Variants in ATP5F1C observed in about 807,000 individuals in gnomAD.
ATP5F1C encodes ATP synthase F(1) complex subunit gamma, mitochondrial.
ATP5F1C carries 22 observed loss-of-function variants against 37.4 expected under a neutral mutation model. The observed-to-expected ratio is 0.59, with a 90% confidence interval of 0.42 to 0.84. ATP5F1C has a LOEUF of 0.84. Ranked by LOEUF, ATP5F1C falls within the 40% of genes least tolerant of loss-of-function variation. The pLI is 0.00. For missense variants in ATP5F1C, 286 were observed against 362.4 expected (o/e 0.79, Z 1.71); for synonymous variants, 121 against 128.0 (o/e 0.95, Z 0.37).
intron 4 of ATP5F1C, chr10:7,799,532 TAGA>T: frequency 1.7e-6 from 1 of 575,572 alleles, no homozygotes; most frequent in Non-Finnish European, 3.0e-6. Flanking sequence ...TCATTAGGAT[TAGA>T]AGGAGAGGAA....
chr10:7,788,382 C>T, intron 1 of ATP5F1C, 119 bp downstream of exon 1: 3 of 1,401,928 alleles, frequency 2.1e-6, no homozygotes, highest in Non-Finnish European at 2.0e-6. Context: ...TAGCTGGGCC[C>T]CTGGCCCGTC....
intron 6 of ATP5F1C, 43 bp downstream of exon 6, chr10:7,800,134 T>C: frequency 6.4e-7 from 1 of 1,559,516 alleles, no homozygotes; most frequent in Non-Finnish European, 8.8e-7. Flanking sequence ...GCATATAGAA[T>C]GGAGAGATTT....
At chr10:7,794,372 T>TA (rs1165955518) in intron 1 of ATP5F1C, among the ~76,000 whole-genome samples, 1 of 152,246 alleles carries the variant, frequency 6.6e-6, no homozygotes, top group Non-Finnish European at 1.5e-5. Context: ...TTTCTTGTCT[T>TA]ACTGCATTAG....
At position 7,807,705 on chromosome 10, in the gene ATP5F1C, C is replaced by G. The variant is rs776565215; in HGVS notation, c.*77C>G. The G allele has an allele frequency of 8.8e-6, 14 of 1,596,390 alleles. No individual in the cohort carries two copies. The Middle Eastern group carries it at 5.0e-4, about 57-fold the overall frequency. On this transcript the variant is annotated 3_prime_UTR_variant, in exon 10 of 10. Coordinates refer to ENST00000356708, the MANE Select transcript of ATP5F1C (RefSeq NM_001001973.3). ...AGTTGATTTTGTTTTTAGCTTACTG[C>G]TGCCTTTGTCCGAAGAAACTGTTCC... is the stretch of plus-strand genomic sequence containing the variant.
At chr10:7,788,479 C>G (rs550397273) in intron 1 of ATP5F1C, among the ~76,000 whole-genome samples, 36 of 152,318 alleles carry the variant, frequency 2.4e-4, no homozygotes, top group African/African-American at 8.2e-4. Context: ...GAGCAAGGTC[C>G]CGCCCGGTTC....
In ATP5F1C at chr10:7,788,403, G is replaced by T. The variant is rs1274847103; in HGVS notation, c.56+140G>T. On this transcript the variant is annotated intron_variant, in intron 1 of 9. Transcript: ENST00000356708. ...GGCCCCTGGCCCGTCGGAGGCGCCG[G>T]GTAGCGGGGGCTGCAGGAAGCGGCT... 8 of 1,248,198 alleles carry T rather than the reference G, an allele frequency of 6.4e-6. No homozygotes were observed. The Middle Eastern group carries it at 1.3e-3, about 201-fold the overall frequency. 77.3% of individuals were successfully genotyped at this position (1,248,198 alleles called of 1,614,324 possible).
rs146345013 is a variant in ATP5F1C, at chr10:7,797,125, C to T, written c.170C>T (p.Ala57Val). Residue 57 changes from alanine (A) to valine (V), a missense_variant, in exon 3 of 10, where the codon GCC (alanine) becomes GTC (valine). Physicochemically the swap from Ala to Val is moderately conservative, Grantham distance 64. Transcript: ENST00000356708. ...SMKMVAAAKY[A>V]RAERELKPAR... ...AAAATGGTAGCGGCAGCAAAATATG[C>T]CCGAGCTGAGAGAGAGCTGAAACCA... 3.1e-6 allele frequency: 5 copies of T among 1,614,006 alleles called. No homozygotes were observed. Among genetic ancestry groups the T allele is most frequent in the African/African-American group, 1.3e-5 (1 of 74,996 alleles).
chr10:7,799,521 T>C, intron 4 of ATP5F1C: 1 of 567,730 alleles, frequency 1.8e-6, no homozygotes, highest in Non-Finnish European at 3.1e-6. Context: ...TTAGCAATAG[T>C]TCATTAGGAT....
chr10:7,793,430 C>G (rs1340837960), intron 1 of ATP5F1C, among the ~76,000 whole-genome samples: 6 of 152,212 alleles, frequency 3.9e-5, no homozygotes, highest in Non-Finnish European at 7.3e-5. Flanking sequence ...TGTTGATCTT[C>G]TTTGGTGAAG....
At chr10:7,796,370 T>A (rs1337236542) in intron 2 of ATP5F1C, 3 of 404,926 alleles carry the variant, frequency 7.4e-6, no homozygotes, top group Non-Finnish European at 1.4e-5. Context: ...TGTAGAATGA[T>A]CATGATATAA....
chr10:7,790,289 A>G (rs1836142503), intron 1 of ATP5F1C, among the ~76,000 whole-genome samples: 1 of 152,234 alleles, frequency 6.6e-6, no homozygotes, highest in Non-Finnish European at 1.5e-5. Context: ...CAGAGAGGCT[A>G]CCATGCTAAC....
intron 4 of ATP5F1C, 139 bp from the exon 5 acceptor site, chr10:7,799,633 G>C (rs1319576377): frequency 1.1e-6 from 1 of 915,232 alleles, no homozygotes; most frequent in African/African-American, 1.7e-5. Flanking sequence ...ATAGTGTGTG[G>C]AACAACTCAG....
chr10:7,799,237 A>G (rs750609899), intron 4 of ATP5F1C, 43 bp downstream of exon 4: 22 of 1,557,278 alleles, frequency 1.4e-5, no homozygotes, highest in Non-Finnish European at 1.8e-5. Flanking sequence ...AGATGTAAGC[A>G]CGAATAAATC....
chr10:7,794,197 T>C (rs966768942), intron 1 of ATP5F1C, among the ~76,000 whole-genome samples: 1 of 152,256 alleles, frequency 6.6e-6, no homozygotes, highest in Non-Finnish European at 1.5e-5. Flanking sequence ...GGAATGCAAC[T>C]AGCTTTTTAT....
In ATP5F1C at chr10:7,799,795, TGG is replaced by T; in HGVS notation, c.453_454del (p.Ala152IlefsTer20). 1 of 1,614,216 alleles carries T rather than the reference TGG, an allele frequency of 6.2e-7. No individual in the cohort carries two copies. On this transcript the variant is annotated frameshift_variant, in exon 5 of 10. Transcript: ENST00000356708. LOFTEE classifies it high-confidence loss of function. ...AGGACTCATTCTGACCAGTTTCTGGTGGCATTCAAAGAAGTGGGAAGAAAGCC... is the reference window on the plus strand; with the variant it reads ...AGGACTCATTCTGACCAGTTTCTGGTCATTCAAAGAAGTGGGAAGAAAGCC...
intron 3 of ATP5F1C, among the ~76,000 whole-genome samples, chr10:7,798,709 T>C (rs980601924): frequency 6.6e-6 from 1 of 151,512 alleles, no homozygotes; most frequent in Non-Finnish European, 1.5e-5. Context: ...TTTTATATTT[T>C]TAATAGAGAC....
At chr10:7,799,607 A>C (rs781748238) in intron 4 of ATP5F1C, 165 bp from the exon 5 acceptor site, 1 of 721,208 alleles carries the variant, frequency 1.4e-6, no homozygotes, top group Non-Finnish European at 2.2e-6. Context: ...GCAGGTGCTG[A>C]AGGAAAGGAA....
Position 7,807,800 on chromosome 10 carries a change from A to C in ATP5F1C, c.*172A>C. 1.0e-6 allele frequency: 1 copy of C among 964,066 alleles called. No homozygotes were observed. Among genetic ancestry groups the C allele is most frequent in the Non-Finnish European group, 1.5e-6 (1 of 682,824 alleles). 59.7% of individuals were successfully genotyped at this position (964,066 alleles called of 1,614,324 possible). Reference sequence around the variant, plus strand: ...TCTTAAAATAAACAACTTAAAATAAAATCATTGTTTTTCTTATATATAAGA... The same window carrying C: ...TCTTAAAATAAACAACTTAAAATAACATCATTGTTTTTCTTATATATAAGA... On this transcript the variant is annotated 3_prime_UTR_variant, in exon 10 of 10. Transcript: ENST00000356708.
intron 1 of ATP5F1C, among the ~76,000 whole-genome samples, chr10:7,794,626 T>C (rs1836210739): frequency 2.0e-5 from 3 of 152,194 alleles, no homozygotes; most frequent in African/African-American, 7.2e-5. Flanking sequence ...GATTTTTTCT[T>C]TAACCTGTTG....
Sources: allele counts gnomAD v4.1 joint callset (sites outside exome capture counted in the v4.1 genomes callset), GRCh38; gene constraint gnomAD v4.1.1; transcripts MANE v1.5; gene names NCBI Gene and HGNC (gene_info 2026-07-23, HGNC 2026-07-21).